DMXL1: variants seen among roughly 807,000 people sequenced by gnomAD.
The protein encoded by DMXL1 is dmX-like protein 1.
Under a neutral mutation model 319.2 loss-of-function variants are expected in DMXL1, and 99 were observed. That is an observed-to-expected ratio of 0.31 (90% CI 0.26 to 0.37). The LOEUF (loss-of-function observed/expected upper bound fraction) is 0.37, where lower values mean the gene tolerates loss of function less well. Ranked by LOEUF, DMXL1 falls within the 10% of genes least tolerant of loss-of-function variation. DMXL1 has a pLI of 1.00. For missense variants in DMXL1, 3,745 were observed against 3,595.6 expected (o/e 1.04, Z -1.06); for synonymous variants, 1,385 against 1,235.2 (o/e 1.12, Z -2.54).
chr5:119,106,037 C>G (rs1055276518), intron 4 of DMXL1, among the ~76,000 whole-genome samples: 2 of 152,166 alleles, frequency 1.3e-5, no homozygotes, highest in Middle Eastern at 3.4e-3. Context: ...GTCAGGAAGA[C>G]TCTGTGGGAA....
chr5:119,153,679 A>G (rs1770344038), intron 19 of DMXL1, among the ~76,000 whole-genome samples: 1 of 152,194 alleles, frequency 6.6e-6, no homozygotes, highest in Non-Finnish European at 1.5e-5. Flanking sequence ...ATATTTGTCT[A>G]TGACTGGCTT....
chr5:119,187,714 G>A (rs1364566667), intron 28 of DMXL1, among the ~76,000 whole-genome samples: 1 of 152,166 alleles, frequency 6.6e-6, no homozygotes, highest in Non-Finnish European at 1.5e-5. Flanking sequence ...CCAGGCTGGA[G>A]TGCAGTGGTG....
At chr5:119,194,496 C>T (rs1411297332) in intron 30 of DMXL1, among the ~76,000 whole-genome samples, 3 of 151,480 alleles carry the variant, frequency 2.0e-5, no homozygotes, top group Non-Finnish European at 2.9e-5. Flanking sequence ...ATTATCTAGT[C>T]TCTATTGATA....
intron 29 of DMXL1, among the ~76,000 whole-genome samples, chr5:119,192,149 T>C (rs1315749218): frequency 6.6e-6 from 1 of 152,192 alleles, no homozygotes; most frequent in East Asian, 1.9e-4. Context: ...ACCTTGTAAG[T>C]CACTGAGAAA....
chr5:119,164,357 A>C, intron 19 of DMXL1, 150 bp from the exon 20 acceptor site: 1 of 699,144 alleles, frequency 1.4e-6, no homozygotes, highest in Non-Finnish European at 2.2e-6. Context: ...TTGAAGAAGG[A>C]AAAACTTAAA....
At chr5:119,207,685 A>G (rs1392636820) in intron 34 of DMXL1, among the ~76,000 whole-genome samples, 1 of 151,860 alleles carries the variant, frequency 6.6e-6, no homozygotes, top group East Asian at 1.9e-4. Context: ...CACCTGGCTA[A>G]TTCTTTTTGT....
intron 17 of DMXL1, 33 bp downstream of exon 17, chr5:119,147,503 G>T (rs377504625): frequency 1.0e-5 from 15 of 1,459,666 alleles, no homozygotes; most frequent in Non-Finnish European, 1.2e-5. Context: ...GACTAATTTT[G>T]TAACACATGA....
intron 27 of DMXL1, 81 bp downstream of exon 27, chr5:119,177,565 A>G: frequency 1.6e-6 from 2 of 1,231,494 alleles, no homozygotes. Context: ...TAGTTTTGCC[A>G]CATGATAATC....
In DMXL1 at chr5:119,149,069, T is replaced by C; in HGVS notation, c.3242T>C (p.Phe1081Ser). The C allele has an allele frequency of 6.2e-7, 1 of 1,613,958 alleles. No individual in the cohort carries two copies. The highest frequency in any genetic ancestry group is 1.3e-5 in the African/African-American group (1 of 75,036). Residue 1081 changes from phenylalanine to serine, a missense_variant, in exon 18 of 44, where the codon TTT becomes TCT. This residue lies in a region of DMXL1 where 2,096 missense variants were observed against 1,985.4 expected (regional missense o/e 1.06). Coordinates refer to ENST00000539542, the MANE Select transcript of DMXL1 (RefSeq NM_001290321.3). Reference protein sequence around the residue: ...SQDFVMHVSIFECESTGGSCW... With the variant: ...SQDFVMHVSISECESTGGSCW... ...GACTTTGTGATGCATGTAAGTATTT[T>C]TGAATGTGAGTCAACAGGAGGTTCA...
chr5:119,106,877 C>G (rs1758467357), intron 4 of DMXL1, among the ~76,000 whole-genome samples: 1 of 152,118 alleles, frequency 6.6e-6, no homozygotes. Flanking sequence ...ATTGACATTA[C>G]TTAACAACTG....
intron 2 of DMXL1, among the ~76,000 whole-genome samples, chr5:119,099,152 T>A (rs1271670762): frequency 6.6e-6 from 1 of 152,020 alleles, no homozygotes; most frequent in East Asian, 1.9e-4. Context: ...TGATCTTTAT[T>A]ATGGAATGCT....
At chr5:119,144,109 C>A (rs539881518) in intron 14 of DMXL1, among the ~76,000 whole-genome samples, 179 bp downstream of exon 14, 1 of 151,818 alleles carries the variant, frequency 6.6e-6, no homozygotes, top group South Asian at 2.1e-4. Flanking sequence ...AGACTTCAAA[C>A]TAGAAAACAA....
intron 1 of DMXL1, among the ~76,000 whole-genome samples, chr5:119,090,699 A>G (rs1248477812): frequency 6.6e-6 from 1 of 151,290 alleles, no homozygotes; most frequent in Non-Finnish European, 1.5e-5. Flanking sequence ...AGTAGCTGGG[A>G]TTACCGGCGC....
intron 34 of DMXL1, among the ~76,000 whole-genome samples, chr5:119,214,072 T>C (rs934516621): frequency 1.1e-4 from 17 of 152,154 alleles, no homozygotes; most frequent in Non-Finnish European, 1.3e-4. Flanking sequence ...GGTTTAAATA[T>C]TAATATAATT....
At chr5:119,194,565 A>T (rs575557029) in intron 30 of DMXL1, among the ~76,000 whole-genome samples, 43 of 152,368 alleles carry the variant, frequency 2.8e-4, no homozygotes, top group African/African-American at 9.4e-4. Flanking sequence ...GGTGTGATAA[A>T]AAATGTGAAT....
At chr5:119,192,938 C>T (rs1057321759) in intron 29 of DMXL1, among the ~76,000 whole-genome samples, 2 of 152,084 alleles carry the variant, frequency 1.3e-5, no homozygotes, top group African/African-American at 4.8e-5. Flanking sequence ...CATTTTTCCT[C>T]AACTTCTCTT....
rs539465954 is a variant in DMXL1 at position 119,168,005 on chromosome 5, G to T, written c.5398+141G>T. 1,095 of 728,086 alleles carry T rather than the reference G, an allele frequency of 1.5e-3. 1 individual carries two copies. Among genetic ancestry groups the T allele is most frequent in the Non-Finnish European group, 2.0e-3 (987 of 495,084 alleles). The allele number at this position is 728,086 out of a possible 1,614,324, so 45.1% of individuals were successfully genotyped here. A position where few individuals can be genotyped will look rare whatever the true frequency, so the allele number is the denominator to read the frequency against. On this transcript the variant is annotated intron_variant, in intron 23 of 43. Transcript: ENST00000539542. Reference sequence around the variant, plus strand: ...ATAACAGTTTTTGGTTGGTTGTTTGGTTTTTTTCTCCAGAAAGATAAATCC... The same window carrying T: ...ATAACAGTTTTTGGTTGGTTGTTTGTTTTTTTTCTCCAGAAAGATAAATCC...
At chr5:119,095,083 G>A (rs561269700) in intron 1 of DMXL1, among the ~76,000 whole-genome samples, 46 of 151,864 alleles carry the variant, frequency 3.0e-4, no homozygotes, top group African/African-American at 1.1e-3. Context: ...TTTAACTCCT[G>A]GACCCAAGCG....
intron 19 of DMXL1, among the ~76,000 whole-genome samples, chr5:119,162,300 C>G (rs35639358): frequency 0.026 from 3,910 of 152,268 alleles, 66 homozygotes; most frequent in Non-Finnish European, 0.041. Flanking sequence ...TGGCTAGTTG[C>G]TACTTAAACT....
Sources: allele counts gnomAD v4.1 joint callset (sites outside exome capture counted in the v4.1 genomes callset), GRCh38; gene constraint gnomAD v4.1.1; regional missense constraint gnomAD v4.1.1; transcripts MANE v1.5; gene names NCBI Gene and HGNC (gene_info 2026-07-23, HGNC 2026-07-21).